Variants in KLF17 observed in about 807,000 individuals in gnomAD.
KLF17 encodes KLF transcription factor 17.
In KLF17, 31 loss-of-function variants were observed where a neutral mutation model predicts 34.2. The ratio of observed to expected loss-of-function variants is 0.91; its 90% CI spans 0.68 to 1.22. KLF17 has a LOEUF of 1.22. Among genes scored for constraint, KLF17 ranks in the 50% most tolerant of loss-of-function variants. The pLI, the probability that KLF17 is intolerant of heterozygous loss-of-function variation, is 0.00. For synonymous variants in KLF17, 179 were observed against 186.7 expected, an observed-to-expected ratio of 0.96 and a Z score of 0.34; for missense variants, 478 against 505.2, an observed-to-expected ratio of 0.95 and a Z score of 0.52.
chr1:44,127,388 C>T (rs1314372012), intron 1 of KLF17, among the ~76,000 whole-genome samples: 3 of 152,126 alleles, frequency 2.0e-5, no homozygotes, highest in Non-Finnish European at 4.4e-5. Flanking sequence ...CCATTCCCTA[C>T]TCTCTAATAT....
At chr1:44,062,555 T>A in the KLF17 span, among the ~76,000 whole-genome samples, 39 of 110,274 alleles carry the variant, frequency 3.5e-4, no homozygotes, top group African/African-American at 1.1e-3. Context: ...ATAAATAAAT[T>A]AATTAATTAA....
At chr1:44,074,247 A>G in the KLF17 span, among the ~76,000 whole-genome samples, 1 of 149,486 alleles carries the variant, frequency 6.7e-6, no homozygotes, top group Non-Finnish European at 1.5e-5. Context: ...ACCCATCTTC[A>G]TCTCGTTTAT....
the KLF17 span, chr1:44,061,335 G>A: frequency 1.3e-5 from 2 of 152,242 alleles, no homozygotes; most frequent in East Asian, 3.9e-4. Context: ...GTCCCTTTAA[G>A]ATTAAAGAGG....
At chr1:44,127,205 A>G (rs1280926851) in intron 1 of KLF17, among the ~76,000 whole-genome samples, 1 of 152,018 alleles carries the variant, frequency 6.6e-6, no homozygotes, top group Non-Finnish European at 1.5e-5. Flanking sequence ...CACTGTGCCT[A>G]GCAATACTAA....
At chr1:44,085,513 T>C in the KLF17 span, among the ~76,000 whole-genome samples, 2 of 151,824 alleles carry the variant, frequency 1.3e-5, no homozygotes, top group East Asian at 3.9e-4. Context: ...GAAAGAGAAG[T>C]TGGACACGGT....
the KLF17 span, among the ~76,000 whole-genome samples, chr1:44,072,956 A>G: frequency 1.3e-5 from 2 of 152,192 alleles, no homozygotes; most frequent in African/African-American, 4.8e-5. Flanking sequence ...AAGATCAAGT[A>G]AGCAGAGGTC....
the KLF17 span, among the ~76,000 whole-genome samples, chr1:44,089,035 T>C: frequency 6.6e-6 from 1 of 152,098 alleles, no homozygotes; most frequent in African/African-American, 2.4e-5. Flanking sequence ...TAGCAGGAAT[T>C]ATCACATGAA....
At chr1:44,095,868 G>A in the KLF17 span, among the ~76,000 whole-genome samples, 2 of 151,676 alleles carry the variant, frequency 1.3e-5, no homozygotes, top group African/African-American at 2.4e-5. Context: ...TTTGTATGCT[G>A]ATTTTATATC....
intron 1 of KLF17, among the ~76,000 whole-genome samples, chr1:44,125,798 T>C (rs1340555913): frequency 4.6e-5 from 7 of 152,008 alleles, no homozygotes; most frequent in African/African-American, 1.4e-4. Flanking sequence ...TTTCTTGGTA[T>C]AGGTCTGTGA....
At position 44,125,550 on chromosome 1, in the gene KLF17, CT is replaced by C. The variant is rs1249252179; in HGVS notation, c.82-3802del. ...TAGTGCGATCTTGGCTCACTGCAAA[CT>C]CTGTCTCCTGGATTCAAGCAATTCT... is the stretch of plus-strand genomic sequence containing the variant. On this transcript the variant is annotated intron_variant, in intron 1 of 3. Coordinates refer to ENST00000372299, the MANE Select transcript of KLF17 (RefSeq NM_173484.4). Among the ~76,000 whole-genome samples the C allele has an allele frequency of 2.9e-3, 444 of 152,286 alleles. 2 individuals are homozygous for C. The highest frequency in any genetic ancestry group is 9.7e-3 in the African/African-American group (401 of 41,542).
the KLF17 span, among the ~76,000 whole-genome samples, chr1:44,073,191 TTTCTTCTTCTTC>T: frequency 2.4e-4 from 34 of 141,648 alleles, no homozygotes; most frequent in South Asian, 7.2e-4. Context: ...TCATGAGAGG[TTTCTTCTTCTTC>T]TTCTTCTTTT....
At chr1:44,080,104 T>C in the KLF17 span, among the ~76,000 whole-genome samples, 1 of 152,020 alleles carries the variant, frequency 6.6e-6, no homozygotes, top group African/African-American at 2.4e-5. Flanking sequence ...AATTTTTGTA[T>C]TTTTAGTAGA....
At chr1:44,099,538 G>GGGAGGCCAAGGCAGGTGAATCAGGAGTCA in the KLF17 span, among the ~76,000 whole-genome samples, 51 of 152,026 alleles carry the variant, frequency 3.4e-4, no homozygotes, top group African/African-American at 1.2e-3. Flanking sequence ...CCAGCACTTT[G>GGGAGGCCAAGGCAGGTGAATCAGGAGTCA]GGAGGCCAAG....
At chr1:44,121,346 C>G (rs892211896) in intron 1 of KLF17, among the ~76,000 whole-genome samples, 1 of 152,178 alleles carries the variant, frequency 6.6e-6, no homozygotes, top group African/African-American at 2.4e-5. Flanking sequence ...ATCTTCTGCC[C>G]TCAAATGATC....
the KLF17 span, among the ~76,000 whole-genome samples, chr1:44,089,364 CA>C: frequency 6.6e-6 from 1 of 152,200 alleles, no homozygotes; most frequent in South Asian, 2.1e-4. Context: ...TCAGGCCCCA[CA>C]AAGCCTCAAC....
At chr1:44,127,108 T>G (rs1290425433) in intron 1 of KLF17, among the ~76,000 whole-genome samples, 1 of 149,506 alleles carries the variant, frequency 6.7e-6, no homozygotes, top group Admixed American at 6.7e-5. Flanking sequence ...GAGGATTCCC[T>G]ATGTTGCTCA....
At chr1:44,068,172 A>C in the KLF17 span, among the ~76,000 whole-genome samples, 1 of 152,014 alleles carries the variant, frequency 6.6e-6, no homozygotes, top group African/African-American at 2.4e-5. Context: ...TTACAGGTGC[A>C]TGTCACCATG....
Position 44,133,344 on chromosome 1 carries a change from G to C in KLF17, c.*107G>C, listed in dbSNP as rs1281878304. The C allele has an allele frequency of 6.6e-6, 1 of 152,174 alleles. No homozygotes were observed. Among genetic ancestry groups the C allele is most frequent in the Non-Finnish European group, 1.5e-5 (1 of 68,054 alleles). 9.4% of individuals were successfully genotyped at this position (152,174 alleles called of 1,614,324 possible). A position where few individuals can be genotyped will look rare whatever the true frequency, so the allele number is the denominator to read the frequency against. On this transcript the variant is annotated 3_prime_UTR_variant, in exon 4 of 4. Coordinates refer to ENST00000372299, the MANE Select transcript of KLF17 (RefSeq NM_173484.4). ...ACATTCATTCAGAAAAATGTTTTTT[G>C]AGCCTACAATACTGAGCGCAACAAG...
the KLF17 span, among the ~76,000 whole-genome samples, chr1:44,058,811 G>C: frequency 1.3e-5 from 2 of 150,330 alleles, no homozygotes; most frequent in African/African-American, 4.9e-5. Context: ...CCTGTTTGAT[G>C]AAGAGACACG....
Sources: allele counts gnomAD v4.1 joint callset (sites outside exome capture counted in the v4.1 genomes callset), GRCh38; gene constraint gnomAD v4.1.1; transcripts MANE v1.5; gene names NCBI Gene and HGNC (gene_info 2026-07-23, HGNC 2026-07-21).